Variants in MS4A18 observed in about 807,000 individuals in gnomAD.
MS4A18 encodes membrane spanning 4-domains A18.
In MS4A18, 27 loss-of-function variants were observed where a neutral mutation model predicts 13.1. The observed-to-expected ratio is 2.06, with a 90% CI of 1.52 to 2.84. The LOEUF (loss-of-function observed/expected upper bound fraction) is 2.84. Ranked by LOEUF, MS4A18 falls within the 30% of genes most tolerant of loss-of-function variation. The pLI is 0.00. For synonymous variants in MS4A18, 126 were observed against 76.5 expected, an observed-to-expected ratio of 1.65 and a Z score of -3.38; for missense variants, 307 against 196.4, an observed-to-expected ratio of 1.56 and a Z score of -3.37.
chr11:60,744,610 C>T (rs1390656992), downstream of MS4A18, among the ~76,000 whole-genome samples: 1 of 152,076 alleles, frequency 6.6e-6, no homozygotes, highest in African/African-American at 2.4e-5. Context: ...ATTTGCAAAT[C>T]ATATATCTGA....
At chr11:60,733,082 T>A (rs983948415) in intron 1 of MS4A18, among the ~76,000 whole-genome samples, 2 of 152,214 alleles carry the variant, frequency 1.3e-5, no homozygotes, top group African/African-American at 4.8e-5. Context: ...ATGCTACGTT[T>A]TCTAGGATTT....
chr11:60,729,298 T>G, upstream of MS4A18: 1 of 694,224 alleles, frequency 1.4e-6, no homozygotes, highest in Non-Finnish European at 2.6e-6. Context: ...CTTATGTGTT[T>G]TGCAGCAGTT....
At chr11:60,728,404 ATGTGTG>A (rs150038728), upstream of MS4A18, among the ~76,000 whole-genome samples, 3,575 of 144,342 alleles carry the variant, frequency 0.025, 118 homozygotes, top group African/African-American at 0.077. Flanking sequence ...GTGTGTATGT[ATGTGTG>A]TGTGTGTGTG....
chr11:60,730,730 C>T (rs969981415), intron 1 of MS4A18, among the ~76,000 whole-genome samples: 4 of 152,292 alleles, frequency 2.6e-5, no homozygotes, highest in East Asian at 1.9e-4. Flanking sequence ...AGGAACAAGG[C>T]GTTGTTTGCC....
At chr11:60,739,135 G>A (rs559485768) in intron 4 of MS4A18, 138 bp downstream of exon 5, 173 of 618,238 alleles carry the variant, frequency 2.8e-4, no homozygotes, top group South Asian at 3.8e-4. Context: ...CTATTTAACC[G>A]TCACCAAAAC....
intron 4 of MS4A18, among the ~76,000 whole-genome samples, chr11:60,740,283 T>A (rs1853397010): frequency 6.6e-6 from 1 of 152,072 alleles, no homozygotes; most frequent in Non-Finnish European, 1.5e-5. Context: ...AAAGAGTGTG[T>A]AGGGATGAGA....
intron 1 of MS4A18, among the ~76,000 whole-genome samples, chr11:60,732,564 T>C (rs750844274): frequency 1.3e-5 from 2 of 151,334 alleles, no homozygotes; most frequent in Non-Finnish European, 2.9e-5. Context: ...CCATCTCTAC[T>C]AAAAATACAA....
At chr11:60,731,734 G>A (rs910348451) in intron 1 of MS4A18, among the ~76,000 whole-genome samples, 3 of 152,170 alleles carry the variant, frequency 2.0e-5, no homozygotes, top group Non-Finnish European at 4.4e-5. Flanking sequence ...AACAGTTGTT[G>A]GCCAAAGATT....
intron 3 of MS4A18, among the ~76,000 whole-genome samples, chr11:60,737,555 A>C (rs968339338): frequency 1.3e-5 from 2 of 152,176 alleles, no homozygotes; most frequent in African/African-American, 2.4e-5. Flanking sequence ...TAAAGTCCCA[A>C]CCAGGAGCAC....
rs201778470 is a variant in MS4A18 at position 60,738,868 on chromosome 11, C to T, written c.649-34C>T. The T allele has an allele frequency of 1.5e-4, 102 of 701,370 alleles. No homozygotes were observed. In the Middle Eastern group the frequency reaches 1.6e-3, roughly 11 times the overall value. 43.4% of individuals were successfully genotyped at this position (701,370 alleles called of 1,614,324 possible). ...AGCCAGGCTTCAGACTCTTCAGACT[C>T]GGCTCCCTCTCTCCTCTCCCTCCTC... On this transcript the variant is annotated intron_variant, in intron 3 of 5. Transcript: ENST00000529108.
At chr11:60,740,947 G>A (rs1853405524) in intron 4 of MS4A18, 83 bp from the exon 6 acceptor site, 1 of 697,860 alleles carries the variant, frequency 1.4e-6, no homozygotes, top group South Asian at 1.5e-5. Flanking sequence ...TTCCAGGTGA[G>A]GTGTGTGGCA....
At chr11:60,734,909 G>A (rs550720090) in intron 2 of MS4A18, among the ~76,000 whole-genome samples, 1 of 151,980 alleles carries the variant, frequency 6.6e-6, no homozygotes, top group Non-Finnish European at 1.5e-5. Context: ...GGCCTCCCGA[G>A]TAGCTGGGAT....
intron 1 of MS4A18, 91 bp from the exon 3 acceptor site, chr11:60,733,443 G>T (rs945882783): frequency 8.6e-6 from 6 of 694,466 alleles, no homozygotes; most frequent in Admixed American, 4.0e-5. Flanking sequence ...CCCCTGGGGT[G>T]ATTCTGGGGC....
At chr11:60,743,759 C>T (rs1313838007) in exon 6 of MS4A18, 1 of 702,478 alleles carries the variant, frequency 1.4e-6, no homozygotes, top group South Asian at 1.5e-5. Flanking sequence ...CCTGTCAGTG[C>T]CACCAATGGT....
intron 5 of MS4A18, 126 bp from the exon 7 acceptor site, chr11:60,743,524 C>T (rs1853436893): frequency 3.2e-6 from 2 of 625,188 alleles, no homozygotes; most frequent in Admixed American, 5.3e-5. Context: ...AGTCACATGA[C>T]CAAGCCCAGC....
exon 6 of MS4A18, chr11:60,743,918 C>G (rs930765779): frequency 2.8e-6 from 2 of 703,110 alleles, no homozygotes; most frequent in Admixed American, 4.0e-5. Flanking sequence ...ACCACTGCCC[C>G]TGCCAAAGCT....
chr11:60,734,784 CTTT>C (rs546950110), intron 2 of MS4A18, among the ~76,000 whole-genome samples: 8 of 138,800 alleles, frequency 5.8e-5, no homozygotes, highest in Non-Finnish European at 7.9e-5. Context: ...CTTTTCTTTT[CTTT>C]TTTTTTTTTT....
exon 6 of MS4A18, chr11:60,744,202 AT>A: frequency 1.8e-6 from 1 of 556,172 alleles, no homozygotes; most frequent in Non-Finnish European, 3.2e-6. Flanking sequence ...TTCATAAATA[AT>A]TTTCCTTTGG....
chr11:60,729,387 G>C (rs963713948), exon 1 of MS4A18: 1 of 702,786 alleles, frequency 1.4e-6, no homozygotes, highest in South Asian at 1.5e-5. Context: ...ACGTCATCCA[G>C]CCCAGCAACC....
Sources: gnomAD v4.1 joint callset for allele counts (sites outside exome capture counted in the v4.1 genomes callset) on GRCh38, gnomAD v4.1.1 for gene constraint, MANE v1.5 for transcripts, NCBI Gene and HGNC (gene_info 2026-07-23, HGNC 2026-07-21) for gene names.